The following EYA2 variants were observed in gnomAD, a reference collection of about 807,000 sequenced individuals.
The protein encoded by EYA2 is protein phosphatase EYA2.
In EYA2, 31 loss-of-function variants were observed where a neutral mutation model predicts 69.2. That is an observed-to-expected ratio of 0.45 (90% confidence interval 0.34 to 0.60). The LOEUF (loss-of-function observed/expected upper bound fraction) is 0.60, where lower values mean the gene tolerates loss of function less well. Ranked by LOEUF, EYA2 falls within the 20% of genes least tolerant of loss-of-function variation. The pLI is 0.02. For synonymous variants in EYA2, 257 were observed against 279.4 expected (o/e 0.92, Z 0.80); for missense variants, 622 against 701.2 (o/e 0.89, Z 1.28).
intron 1 of EYA2, among the ~76,000 whole-genome samples, chr20:46,942,277 A>G (rs758668430): frequency 5.3e-5 from 8 of 151,948 alleles, no homozygotes; most frequent in Non-Finnish European, 1.0e-4. Flanking sequence ...GTACAATTAC[A>G]GCTCACTGCA....
At chr20:46,961,104 G>A (rs1568689015) in intron 1 of EYA2, among the ~76,000 whole-genome samples, 1 of 152,202 alleles carries the variant, frequency 6.6e-6, no homozygotes, top group African/African-American at 2.4e-5. Flanking sequence ...GGAGGCCGAG[G>A]CAGGCGGGTC....
chr20:47,048,923 C>G (rs2030184331), intron 5 of EYA2, among the ~76,000 whole-genome samples: 1 of 152,132 alleles, frequency 6.6e-6, no homozygotes. Flanking sequence ...GACATTTGTT[C>G]CAGCATTTCT....
At chr20:47,185,159 C>G (rs1354738711) in intron 15 of EYA2, among the ~76,000 whole-genome samples, 1 of 152,080 alleles carries the variant, frequency 6.6e-6, no homozygotes, top group African/African-American at 2.4e-5. Flanking sequence ...GTCTCCACCT[C>G]TTCACGAGTG....
At chr20:46,899,560 C>T (rs540839196) in intron 1 of EYA2, among the ~76,000 whole-genome samples, 3 of 152,286 alleles carry the variant, frequency 2.0e-5, no homozygotes, top group Admixed American at 1.3e-4. Context: ...TTACGGTAGG[C>T]GCAGCCCAAG....
intron 1 of EYA2, among the ~76,000 whole-genome samples, chr20:46,937,417 C>T (rs1985957488): frequency 6.6e-6 from 1 of 152,104 alleles, no homozygotes; most frequent in Non-Finnish European, 1.5e-5. Context: ...GAATTACTAG[C>T]TGTAATGCAT....
intron 5 of EYA2, among the ~76,000 whole-genome samples, chr20:47,016,499 A>G (rs968906489): frequency 6.6e-6 from 1 of 152,242 alleles, no homozygotes; most frequent in Non-Finnish European, 1.5e-5. Flanking sequence ...AAAGTCGGCA[A>G]ATAAGCCAGA....
At chr20:47,152,384 CTT>C (rs201890248) in intron 10 of EYA2, among the ~76,000 whole-genome samples, 2,647 of 142,072 alleles carry the variant, frequency 0.019, 73 homozygotes, top group African/African-American at 0.063. Context: ...GGGAGTGTAC[CTT>C]TTTTTTTTTT....
intron 1 of EYA2, among the ~76,000 whole-genome samples, chr20:46,895,561 G>A (rs1448137994): frequency 6.6e-6 from 1 of 152,236 alleles, no homozygotes; most frequent in African/African-American, 2.4e-5. Flanking sequence ...CTTTGAACCG[G>A]GGCAGGGAAT....
chr20:46,994,588 C>T (rs1981894187), intron 2 of EYA2, among the ~76,000 whole-genome samples: 1 of 152,206 alleles, frequency 6.6e-6, no homozygotes. Flanking sequence ...CAACCCGGGG[C>T]TGACGGGTTT....
intron 5 of EYA2, among the ~76,000 whole-genome samples, chr20:47,025,278 G>A (rs1479049178): frequency 1.3e-5 from 2 of 152,192 alleles, no homozygotes; most frequent in African/African-American, 4.8e-5. Context: ...TTGCTGTGGG[G>A]CAGTCAGCTG....
intron 10 of EYA2, among the ~76,000 whole-genome samples, chr20:47,157,800 A>G (rs1009008268): frequency 2.6e-5 from 4 of 152,028 alleles, no homozygotes; most frequent in African/African-American, 9.6e-5. Flanking sequence ...TGCCCCCACC[A>G]AAAAAGGCAC....
chr20:47,179,483 G>GTGGA lies in EYA2; in HGVS notation c.1199-305_1199-302dup, dbSNP rs764109546. On this transcript the variant is annotated intron_variant, in intron 12 of 15. Transcript: ENST00000327619. ...GGATATTGGGCAGATGGATGGATGG[G>GTGGA]TGGATGGATGGATATTGGGTGGATG... is the stretch of plus-strand genomic sequence containing the variant. Among the ~76,000 whole-genome samples the GTGGA allele has an allele frequency of 2.4e-3, 362 of 150,210 alleles. 1 individual carries two copies. The highest frequency in any genetic ancestry group is 4.2e-3 in the Non-Finnish European group (281 of 67,480).
At chr20:47,158,466 G>C (rs1460007657) in intron 10 of EYA2, among the ~76,000 whole-genome samples, 2 of 151,182 alleles carry the variant, frequency 1.3e-5, no homozygotes, top group Non-Finnish European at 2.9e-5. Context: ...GCAGTGAGCC[G>C]AGATCACCCC....
At chr20:46,938,591 A>C (rs1214495807) in intron 1 of EYA2, among the ~76,000 whole-genome samples, 1 of 152,058 alleles carries the variant, frequency 6.6e-6, no homozygotes, top group Non-Finnish European at 1.5e-5. Context: ...AGGCCTCTTC[A>C]TGGGGCTGGG....
intron 1 of EYA2, among the ~76,000 whole-genome samples, chr20:46,936,100 G>T (rs1342181587): frequency 2.0e-5 from 3 of 152,116 alleles, no homozygotes; most frequent in Non-Finnish European, 2.9e-5. Context: ...AACACTTCCA[G>T]TCCCATGCAT....
intron 5 of EYA2, among the ~76,000 whole-genome samples, chr20:47,065,743 C>G (rs1568755990): frequency 6.6e-6 from 1 of 152,160 alleles, no homozygotes; most frequent in African/African-American, 2.4e-5. Flanking sequence ...TTCAATTTCT[C>G]TATTTATCTC....
Position 47,004,954 on chromosome 20 carries a change from T to C in EYA2, c.168T>C (p.Arg56=). Residue 56 remains arginine (R), a synonymous_variant, in exon 4 of 16, where the codon CGT becomes CGC. Transcript: ENST00000327619. ...VSQLFSRSCP[R]VLPRQPSTAM... is the part of the protein sequence containing the mutation. ...TCTTTCCACACAGATCTTGCCCACGTGTCCTCCCCCGCCAGCCTTCCACAG... is the reference window on the plus strand; with the variant it reads ...TCTTTCCACACAGATCTTGCCCACGCGTCCTCCCCCGCCAGCCTTCCACAG... 6.2e-7 allele frequency: 1 copy of C among 1,614,094 alleles called. No homozygotes were observed. Among genetic ancestry groups the C allele is most frequent in the African/African-American group, 1.3e-5 (1 of 75,032 alleles).
intron 10 of EYA2, among the ~76,000 whole-genome samples, chr20:47,162,711 G>A (rs553090937): frequency 1.3e-5 from 2 of 151,994 alleles, no homozygotes; most frequent in Non-Finnish European, 2.9e-5. Context: ...TAGAAACAGA[G>A]TCTCACCATG....
intron 5 of EYA2, among the ~76,000 whole-genome samples, chr20:47,067,426 C>T (rs1568757045): frequency 6.6e-6 from 1 of 151,994 alleles, no homozygotes; most frequent in Non-Finnish European, 1.5e-5. Flanking sequence ...AATGTACATT[C>T]TCAAATAACT....
Sources: gnomAD v4.1 joint callset for allele counts (sites outside exome capture counted in the v4.1 genomes callset) on GRCh38, gnomAD v4.1.1 for gene constraint, MANE v1.5 for transcripts, NCBI Gene and HGNC (gene_info 2026-07-23, HGNC 2026-07-21) for gene names.